Variants in GRID2IP observed in about 807,000 individuals in gnomAD.
GRID2IP encodes delphilin.
GRID2IP carries 78 observed loss-of-function variants against 114.3 expected under a neutral mutation model. The observed-to-expected ratio is 0.68, with a 90% CI of 0.57 to 0.82. GRID2IP has a LOEUF of 0.82. Ranked by LOEUF, GRID2IP falls within the 40% of genes least tolerant of loss-of-function variation. The pLI is 0.00. For missense variants in GRID2IP, 1,727 were observed against 1,678.5 expected (o/e 1.03, Z -0.51); for synonymous variants, 809 against 724.0 (o/e 1.12, Z -1.89).
chr7:6,546,311 A>G (rs1373596119), intron 1 of GRID2IP, among the ~76,000 whole-genome samples: 1 of 150,660 alleles, frequency 6.6e-6, no homozygotes, highest in Non-Finnish European at 1.5e-5. Context: ...TCCTGACCTC[A>G]GGTGACCTGC....
At chr7:6,512,348 T>G (rs778438264) in intron 8 of GRID2IP, among the ~76,000 whole-genome samples, 8 of 147,078 alleles carry the variant, frequency 5.4e-5, no homozygotes, top group Admixed American at 6.9e-5. Context: ...GAGCCTCCCC[T>G]GCAGCTGGGA....
rs1779123325 is a variant in GRID2IP at position 6,510,601 on chromosome 7, G to A, written c.1653+8C>T. The A allele has an allele frequency of 2.0e-6, 3 of 1,529,928 alleles. No homozygotes were observed. Among genetic ancestry groups the A allele is most frequent in the Non-Finnish European group, 2.6e-6 (3 of 1,137,696 alleles). 94.8% of individuals were successfully genotyped at this position (1,529,928 alleles called of 1,614,324 possible). A position where few individuals can be genotyped will look rare whatever the true frequency, so the allele number is the denominator to read the frequency against. On this transcript the variant is annotated splice_region_variant and intron_variant, in intron 10 of 21. Coordinates refer to ENST00000457091, the MANE Select transcript of GRID2IP (RefSeq NM_001145118.2). Reference sequence around the variant, plus strand: ...CTGACCCCACGTGGAGGGCAGAGAAGGTCTCACCATCTTGGGGTTGGGGGT... The same window carrying A: ...CTGACCCCACGTGGAGGGCAGAGAAAGTCTCACCATCTTGGGGTTGGGGGT...
Position 6,509,379 on chromosome 7 carries a change from A to G in GRID2IP, c.1772-66T>C. 1.4e-6 allele frequency: 2 copies of G among 1,393,854 alleles called. No homozygotes were observed. The highest frequency in any genetic ancestry group is 3.0e-5 in the South Asian group (2 of 67,438). The allele number at this position is 1,393,854 out of a possible 1,614,324, so 86.3% of individuals were successfully genotyped here. Reference sequence around the variant, plus strand: ...CACCGAGGTTCCAGGTGCAAGCTGGAGAGAGGGTCCTAGGACAGACTGGCT... The same window carrying G: ...CACCGAGGTTCCAGGTGCAAGCTGGGGAGAGGGTCCTAGGACAGACTGGCT... On this transcript the variant is annotated intron_variant, in intron 11 of 21. Coordinates refer to ENST00000457091, the MANE Select transcript of GRID2IP (RefSeq NM_001145118.2). This position sits in a 1 kb window ranked among gnomAD's most constrained non-coding sequence, Gnocchi z 4.9.
intron 1 of GRID2IP, among the ~76,000 whole-genome samples, chr7:6,540,488 AT>A (rs1464885894): frequency 6.6e-6 from 1 of 151,216 alleles, no homozygotes; most frequent in African/African-American, 2.4e-5. Flanking sequence ...CATTTTATTT[AT>A]TTATTTTAAT....
At position 6,504,889 on chromosome 7, in the gene GRID2IP, G is replaced by A; in HGVS notation, c.2633-19C>T. Reference sequence around the variant, plus strand: ...ACCGGTTCTGGAAAAGAAACTGACAGTTTACGGAGGCGGCTAGGCTGAGGC... The same window carrying A: ...ACCGGTTCTGGAAAAGAAACTGACAATTTACGGAGGCGGCTAGGCTGAGGC... On this transcript the variant is annotated intron_variant, in intron 14 of 21. Coordinates refer to ENST00000457091, the MANE Select transcript of GRID2IP (RefSeq NM_001145118.2). 3 of 1,549,636 alleles carry A rather than the reference G, an allele frequency of 1.9e-6. No homozygotes were observed. Among genetic ancestry groups the A allele is most frequent in the Non-Finnish European group, 8.7e-7 (1 of 1,145,668 alleles).
At chr7:6,529,217 G>A (rs1281798819) in intron 2 of GRID2IP, among the ~76,000 whole-genome samples, 3 of 151,982 alleles carry the variant, frequency 2.0e-5, no homozygotes, top group Admixed American at 6.6e-5. Flanking sequence ...TTAGGAGGCC[G>A]AGGCAGGCAG....
At chr7:6,501,961 T>A (rs1193960918) in intron 19 of GRID2IP, 28 bp downstream of exon 19, 2 of 1,550,780 alleles carry the variant, frequency 1.3e-6, no homozygotes, top group Admixed American at 3.9e-5. Flanking sequence ...AGCATGCCTC[T>A]GCCTCCCCAT....
rs1476807790 is a variant in GRID2IP, at chr7:6,523,387, A to G, written c.920-1430T>C. Among the ~76,000 whole-genome samples, 1 of 152,070 alleles carries G rather than the reference A, an allele frequency of 6.6e-6. No individual in the cohort carries two copies. The highest frequency in any genetic ancestry group is 2.4e-5 in the African/African-American group (1 of 41,414). On this transcript the variant is annotated intron_variant, in intron 4 of 21. Transcript: ENST00000457091. This position sits in a 1 kb window ranked among gnomAD's most constrained non-coding sequence, Gnocchi z 4.5. ...CTAGAGAGGTTGTCGCAGGGGATCA[A>G]AGAGCACTGGGCCAGGAGTCAGGAG... is the stretch of plus-strand genomic sequence containing the variant.
Position 6,505,792 on chromosome 7 carries a change from G to C in GRID2IP, c.2632+28C>G, listed in dbSNP as rs368075636. ...TGCCACAGATGGTGTGGTATCTGGGGTTCCCCCAAGGCCATCAGGCCACTC... is the reference window on the plus strand; with the variant it reads ...TGCCACAGATGGTGTGGTATCTGGGCTTCCCCCAAGGCCATCAGGCCACTC... On this transcript the variant is annotated intron_variant, in intron 14 of 21. Coordinates refer to ENST00000457091, the MANE Select transcript of GRID2IP (RefSeq NM_001145118.2). The C allele has an allele frequency of 3.3e-5, 49 of 1,473,460 alleles. No homozygotes were observed. The Middle Eastern group carries it at 5.1e-4, about 15-fold the overall frequency. 91.3% of individuals were successfully genotyped at this position (1,473,460 alleles called of 1,614,324 possible).
rs1298099183 is a variant in GRID2IP at position 6,516,120 on chromosome 7, AT to A, written c.1269-1592del. The stretch of plus-strand genomic sequence containing the variant: ...TCAAAATAATAATAATAAAAAATAA[AT>A]AAATAAATAAATAAAAATAAAGTAG... On this transcript the variant is annotated intron_variant, in intron 7 of 21. Transcript: ENST00000457091. The surrounding 1 kb of genome is among the most constrained non-coding windows in gnomAD (Gnocchi z 4.3). 1.0e-4 allele frequency among the ~76,000 whole-genome samples: 7 copies of A among 68,402 alleles called. No homozygotes were observed. Among genetic ancestry groups the A allele is most frequent in the Non-Finnish European group, 2.0e-4 (6 of 29,512 alleles). The allele number at this position is 68,402 out of a possible 152,430, so 44.9% of individuals were successfully genotyped here.
Position 6,500,437 on chromosome 7 carries a change from C to A in GRID2IP, c.3399+1344G>T, listed in dbSNP as rs144808100. On this transcript the variant is annotated intron_variant, in intron 20 of 21. Coordinates refer to ENST00000457091, the MANE Select transcript of GRID2IP (RefSeq NM_001145118.2). ...CGAGATCGCACCATTGCACTCCAGC[C>A]TGGGCAACAGAGCGAGACTCCGTCT... 1.9e-3 allele frequency among the ~76,000 whole-genome samples: 293 copies of A among 152,276 alleles called. 3 individuals are homozygous for A. In the East Asian group the frequency reaches 0.051, roughly 27 times the overall value.
In GRID2IP at chr7:6,536,631, G is replaced by A. The variant is rs1041779574; in HGVS notation, c.584+3087C>T. On this transcript the variant is annotated intron_variant, in intron 2 of 21. Coordinates refer to ENST00000457091, the MANE Select transcript of GRID2IP (RefSeq NM_001145118.2). The surrounding 1 kb of genome is among the most constrained non-coding windows in gnomAD (Gnocchi z 5.3). ...GGGAGACGAGCGAGCCAACTTCCTG[G>A]GGGACAGCTGGGCCGCCTGCGCCCC... is the stretch of plus-strand genomic sequence containing the variant. Among the ~76,000 whole-genome samples, 1 of 152,034 alleles carries A rather than the reference G, an allele frequency of 6.6e-6. No individual in the cohort carries two copies. The highest frequency in any genetic ancestry group is 2.4e-5 in the African/African-American group (1 of 41,446).
rs1779659469 is a variant in GRID2IP at position 6,532,881 on chromosome 7, G to A, written c.585-6112C>T. Among the ~76,000 whole-genome samples the A allele has an allele frequency of 6.6e-6, 1 of 152,240 alleles. No individual in the cohort carries two copies. Among genetic ancestry groups the A allele is most frequent in the Non-Finnish European group, 1.5e-5 (1 of 68,050 alleles). On this transcript the variant is annotated intron_variant, in intron 2 of 21. Transcript: ENST00000457091. This position sits in a 1 kb window ranked among gnomAD's most constrained non-coding sequence, Gnocchi z 4.4. ...TCAGAGCCAGGTCTCCGTGGGCACA[G>A]TGGGGCCAGCTGCTCATGCCTGTGG...
Position 6,508,925 on chromosome 7 carries a change from C to A in GRID2IP, c.2127+33G>T. The A allele has an allele frequency of 1.3e-6, 2 of 1,531,332 alleles. No homozygotes were observed. Among genetic ancestry groups the A allele is most frequent in the Non-Finnish European group, 1.8e-6 (2 of 1,141,724 alleles). 94.9% of individuals were successfully genotyped at this position (1,531,332 alleles called of 1,614,324 possible). A position where few individuals can be genotyped will look rare whatever the true frequency, so the allele number is the denominator to read the frequency against. On this transcript the variant is annotated intron_variant, in intron 12 of 21. Transcript: ENST00000457091. This position sits in a 1 kb window ranked among gnomAD's most constrained non-coding sequence, Gnocchi z 5.6. ...TTGCAGACCGCCACACCTCGCCTCA[C>A]CCGCCTCCCTCCACACCTGCTTGCG...
Position 6,497,670 on chromosome 7 carries a change from C to T in GRID2IP, c.*104G>A. ...AGCTGCAGGAGAGGCTGGCGGTGTG[C>T]TCAGAGCCCGGGGCACAGTGGCCCC... On this transcript the variant is annotated 3_prime_UTR_variant, in exon 22 of 22. Coordinates refer to ENST00000457091, the MANE Select transcript of GRID2IP (RefSeq NM_001145118.2). 1.2e-6 allele frequency: 1 copy of T among 823,586 alleles called. No individual in the cohort carries two copies. Among genetic ancestry groups the T allele is most frequent in the Non-Finnish European group, 1.9e-6 (1 of 533,274 alleles). 51.0% of individuals were successfully genotyped at this position (823,586 alleles called of 1,614,324 possible). A position where few individuals can be genotyped will look rare whatever the true frequency, so the allele number is the denominator to read the frequency against.
At chr7:6,515,568 G>A (rs901306878) in intron 7 of GRID2IP, among the ~76,000 whole-genome samples, 4 of 151,986 alleles carry the variant, frequency 2.6e-5, no homozygotes, top group Non-Finnish European at 4.4e-5. Context: ...ATCTGAGGTC[G>A]GGAGCTCAAG....
Position 6,523,964 on chromosome 7 carries a change from T to C in GRID2IP, c.920-2007A>G, listed in dbSNP as rs1051048810. Among the ~76,000 whole-genome samples the C allele has an allele frequency of 1.3e-5, 2 of 152,164 alleles. No individual in the cohort carries two copies. The highest frequency in any genetic ancestry group is 3.9e-4 in the East Asian group (2 of 5,188). On this transcript the variant is annotated intron_variant, in intron 4 of 21. Transcript: ENST00000457091. The surrounding 1 kb of genome is among the most constrained non-coding windows in gnomAD (Gnocchi z 4.5). ...GAGATTAATCACTTCTAGAGGAAGC[T>C]CTCCAGAGAGCAGCTTTGGGCCTTT...
rs1273360325 is a variant in GRID2IP at position 6,521,412 on chromosome 7, G to A, written c.1084+17C>T. Reference sequence around the variant, plus strand: ...TCTCTGGGGGCCAAGGAAGCCAAGTGTCCATGGGGGTCTCACCACTGGCAA... The same window carrying A: ...TCTCTGGGGGCCAAGGAAGCCAAGTATCCATGGGGGTCTCACCACTGGCAA... On this transcript the variant is annotated intron_variant, in intron 6 of 21. Coordinates refer to ENST00000457091, the MANE Select transcript of GRID2IP (RefSeq NM_001145118.2). The surrounding 1 kb of genome is among the most constrained non-coding windows in gnomAD (Gnocchi z 4.1). The A allele has an allele frequency of 6.6e-7, 1 of 1,516,448 alleles. No homozygotes were observed. Among genetic ancestry groups the A allele is most frequent in the African/African-American group, 1.4e-5 (1 of 72,156 alleles). The allele number at this position is 1,516,448 out of a possible 1,614,324, so 93.9% of individuals were successfully genotyped here. A position where few individuals can be genotyped will look rare whatever the true frequency, so the allele number is the denominator to read the frequency against.
At position 6,503,548 on chromosome 7, in the gene GRID2IP, G is replaced by T; in HGVS notation, c.2850C>A (p.Tyr950Ter). The change falls in exon 16 of 22, where the codon TAC (tyrosine) becomes TAA (stop). Residue 950 changes from tyrosine to a stop codon, truncating the protein, a stop_gained. Coordinates refer to ENST00000457091, the MANE Select transcript of GRID2IP (RefSeq NM_001145118.2). LOFTEE classifies it high-confidence loss of function. ...GGCCGGGCGCCTCGCGGAAGGCCTG[G>T]TAGCGCTGCTCCTCGTCGGCGTCGG... The part of the protein sequence containing the change: ...FAPDADEEQR[Y>*]QAFREAPGRL... The T allele has an allele frequency of 6.5e-7, 1 of 1,528,946 alleles. No individual in the cohort carries two copies. Among genetic ancestry groups the T allele is most frequent in the Non-Finnish European group, 8.7e-7 (1 of 1,144,252 alleles). 94.7% of individuals were successfully genotyped at this position (1,528,946 alleles called of 1,614,324 possible). A position where few individuals can be genotyped will look rare whatever the true frequency, so the allele number is the denominator to read the frequency against.
Sources: allele counts gnomAD v4.1 joint callset (sites outside exome capture counted in the v4.1 genomes callset), GRCh38; gene constraint gnomAD v4.1.1; non-coding constraint Gnocchi (gnomAD v3.1); transcripts MANE v1.5; gene names NCBI Gene and HGNC (gene_info 2026-07-23, HGNC 2026-07-21).